PCDH15: variants seen among roughly 807,000 people sequenced by gnomAD.
The protein encoded by PCDH15 is protocadherin-15.
Under a neutral mutation model 178.5 loss-of-function variants are expected in PCDH15, and 129 were observed. That is an observed-to-expected ratio of 0.72 (90% CI 0.63 to 0.84). PCDH15 has a LOEUF of 0.84. Among genes scored for constraint, PCDH15 ranks in the 40% least tolerant of loss-of-function variants. The pLI, the probability that PCDH15 is intolerant of heterozygous loss-of-function variation, is 0.00. For synonymous variants in PCDH15, 800 were observed against 732.0 expected, an observed-to-expected ratio of 1.09 and a Z score of -1.50; for missense variants, 2,230 against 2,099.9, an observed-to-expected ratio of 1.06 and a Z score of -1.21.
chr10:54,779,429 C>CATAGATGTGTATATATATATACACACAT (rs1950056172), intron 1 of PCDH15, among the ~76,000 whole-genome samples: 1 of 99,686 alleles, frequency 1.0e-5, no homozygotes, highest in South Asian at 3.2e-4. Flanking sequence ...TATACACACA[C>CATAGATGTGTATATATATATACACACAT]ATATGTGTAT....
chr10:54,791,524 T>C (rs978399638), intron 1 of PCDH15, among the ~76,000 whole-genome samples: 1 of 151,918 alleles, frequency 6.6e-6, no homozygotes. Flanking sequence ...CCAACTTCTC[T>C]TCTAAGCTCT....
intron 2 of PCDH15, among the ~76,000 whole-genome samples, chr10:55,127,179 G>A (rs937923256): frequency 1.8e-4 from 27 of 152,014 alleles, no homozygotes; most frequent in African/African-American, 6.5e-4. Context: ...TTTGTAACTT[G>A]GATGCCACCA....
intron 3 of PCDH15, among the ~76,000 whole-genome samples, chr10:54,818,871 A>G (rs1952990417): frequency 6.6e-6 from 1 of 152,056 alleles, no homozygotes; most frequent in Non-Finnish European, 1.5e-5. Flanking sequence ...GCCAGAATAA[A>G]TGAGGCACCG....
intron 5 of PCDH15, among the ~76,000 whole-genome samples, chr10:54,361,499 A>G (rs1015635270): frequency 6.6e-6 from 1 of 152,000 alleles, no homozygotes; most frequent in Admixed American, 6.6e-5. Context: ...CTCATGTTAC[A>G]TTCTCTGTAT....
intron 1 of PCDH15, among the ~76,000 whole-genome samples, chr10:55,175,067 G>A (rs2132127526): frequency 6.6e-6 from 1 of 152,122 alleles, no homozygotes; most frequent in Admixed American, 6.5e-5. Flanking sequence ...ATAGTGCCAA[G>A]AAAGGGGAAG....
chr10:55,370,480 A>G (rs891578382), intron 2 of PCDH15, among the ~76,000 whole-genome samples: 1 of 152,084 alleles, frequency 6.6e-6, no homozygotes, highest in Non-Finnish European at 1.5e-5. Context: ...TTATAAGAAC[A>G]AAAACAACTA....
At chr10:55,166,506 T>C (rs1018177333) in intron 2 of PCDH15, 8 of 152,170 alleles carry the variant, frequency 5.3e-5, no homozygotes, top group African/African-American at 1.9e-4. Context: ...CTGTGAAATA[T>C]AGATGTAATG....
intron 2 of PCDH15, among the ~76,000 whole-genome samples, chr10:55,503,885 C>T (rs1840707372): frequency 2.0e-5 from 3 of 151,142 alleles, no homozygotes; most frequent in Admixed American, 6.6e-5. Context: ...TGTATGATTC[C>T]GCGACCAAGG....
chr10:54,211,608 T>C (rs1392200874), intron 10 of PCDH15, among the ~76,000 whole-genome samples: 1 of 152,108 alleles, frequency 6.6e-6, no homozygotes, highest in Non-Finnish European at 1.5e-5. Context: ...CACACATAGC[T>C]TTTTAAAGCA....
At chr10:55,140,760 T>G (rs1838330529) in intron 2 of PCDH15, among the ~76,000 whole-genome samples, 1 of 152,028 alleles carries the variant, frequency 6.6e-6, no homozygotes, top group Admixed American at 6.6e-5. Flanking sequence ...ATATTTTTAC[T>G]GATCAATTTC....
chr10:54,593,066 A>G (rs1293656373), intron 2 of PCDH15, among the ~76,000 whole-genome samples: 3 of 152,004 alleles, frequency 2.0e-5, no homozygotes, highest in Non-Finnish European at 2.9e-5. Flanking sequence ...AACTCCTTAT[A>G]TATTTTGAAT....
At chr10:55,395,246 C>T (rs144379473) in intron 2 of PCDH15, among the ~76,000 whole-genome samples, 211 of 146,146 alleles carry the variant, frequency 1.4e-3, no homozygotes, top group Middle Eastern at 3.5e-3. Context: ...AGACTACGTA[C>T]GTTTTAATGT....
chr10:55,589,529 C>G (rs1240896830), intron 2 of PCDH15, among the ~76,000 whole-genome samples: 3 of 151,778 alleles, frequency 2.0e-5, no homozygotes, highest in Admixed American at 6.6e-5. Context: ...AACAGGCAAC[C>G]TACACAATGG....
At chr10:54,938,521 T>C (rs1472001340) in intron 2 of PCDH15, among the ~76,000 whole-genome samples, 1 of 152,128 alleles carries the variant, frequency 6.6e-6, no homozygotes, top group Non-Finnish European at 1.5e-5. Flanking sequence ...TTCTTAAATA[T>C]TTGTCATAAT....
intron 2 of PCDH15, among the ~76,000 whole-genome samples, chr10:54,578,742 C>G (rs10825364): frequency 0.15 from 23,226 of 151,928 alleles, 1,899 homozygotes; most frequent in Non-Finnish European, 0.19. Context: ...CCACAAAGTT[C>G]GAATGGCATA....
chr10:55,025,597 A>G (rs1208736233), intron 2 of PCDH15, among the ~76,000 whole-genome samples: 2 of 152,116 alleles, frequency 1.3e-5, no homozygotes, highest in South Asian at 2.1e-4. Flanking sequence ...AAGACAAAAT[A>G]TGTAAATTAA....
chr10:55,350,268 T>TATATATATATAC (rs1327352441), intron 2 of PCDH15, among the ~76,000 whole-genome samples: 10 of 56,748 alleles, frequency 1.8e-4, no homozygotes, highest in East Asian at 1.0e-3. Context: ...TATATATATA[T>TATATATATATAC]ACACACACAC....
intron 2 of PCDH15, among the ~76,000 whole-genome samples, chr10:55,013,876 C>A (rs1036055875): frequency 2.6e-5 from 4 of 152,106 alleles, no homozygotes; most frequent in Non-Finnish European, 4.4e-5. Context: ...AAAATTTCAA[C>A]CCTAGAACAG....
rs1447338767 is a variant in PCDH15, at chr10:55,069,818, G to C, written c.-80+96758C>G. On this transcript the variant is annotated intron_variant, in intron 2 of 5. Coordinates refer to the PCDH15 transcript ENST00000458638. ...AGTAATGGGATGGCTGGGTCAAATGGTATTTCTAGTTCTAGATCCCTGAGG... is the reference window on the plus strand; with the variant it reads ...AGTAATGGGATGGCTGGGTCAAATGCTATTTCTAGTTCTAGATCCCTGAGG... Among the ~76,000 whole-genome samples the C allele has an allele frequency of 4.0e-5, 6 of 150,326 alleles. No individual in the cohort carries two copies. In the East Asian group the frequency reaches 9.8e-4, roughly 25 times the overall value.
Sources: gnomAD v4.1 joint callset for allele counts (sites outside exome capture counted in the v4.1 genomes callset) on GRCh38, gnomAD v4.1.1 for gene constraint, MANE v1.5 for transcripts, NCBI Gene and HGNC (gene_info 2026-07-23, HGNC 2026-07-21) for gene names.